PRKG1: variants seen among roughly 807,000 people sequenced by gnomAD.
PRKG1 encodes the protein cGMP-dependent protein kinase 1.
A neutral mutation model predicts 88.1 loss-of-function variants in PRKG1; 35 were observed. The ratio of observed to expected loss-of-function variants is 0.40; its 90% CI spans 0.30 to 0.53. PRKG1 has a LOEUF of 0.53. Ranked by LOEUF, PRKG1 falls within the 20% of genes least tolerant of loss-of-function variation. The pLI, the probability that PRKG1 is intolerant of heterozygous loss-of-function variation, is 0.59. For missense variants in PRKG1, 540 were observed against 839.8 expected (o/e 0.64, Z 4.41); for synonymous variants, 303 against 292.5 (o/e 1.04, Z -0.37).
chr10:51,164,310 A>G (rs1846463792), intron 2 of PRKG1, among the ~76,000 whole-genome samples: 1 of 152,198 alleles, frequency 6.6e-6, no homozygotes. Flanking sequence ...ACCGCTAGCA[A>G]ACTCCAACAG....
At chr10:52,000,747 C>T (rs955474557) in intron 5 of PRKG1, among the ~76,000 whole-genome samples, 2 of 147,398 alleles carry the variant, frequency 1.4e-5, no homozygotes, top group Non-Finnish European at 2.9e-5. Flanking sequence ...TAAAAACACA[C>T]TCTCACACAT....
chr10:51,954,961 T>A (rs73339215), intron 5 of PRKG1, among the ~76,000 whole-genome samples: 4,222 of 152,290 alleles, frequency 0.028, 203 homozygotes, highest in African/African-American at 0.097. Flanking sequence ...TACCTTACCA[T>A]GTTTCTTTTT....
intron 4 of PRKG1, among the ~76,000 whole-genome samples, chr10:51,809,613 C>T (rs1223432241): frequency 6.6e-6 from 1 of 152,134 alleles, no homozygotes; most frequent in Non-Finnish European, 1.5e-5. Flanking sequence ...CTGATGAGGA[C>T]AATGATAGTG....
intron 1 of PRKG1, among the ~76,000 whole-genome samples, chr10:51,146,927 A>G (rs1267440954): frequency 6.6e-6 from 1 of 152,204 alleles, no homozygotes; most frequent in Non-Finnish European, 1.5e-5. Context: ...AGATAAGGAA[A>G]TGTGGTACAT....
At chr10:51,687,990 C>T (rs1841037583) in intron 3 of PRKG1, among the ~76,000 whole-genome samples, 1 of 152,172 alleles carries the variant, frequency 6.6e-6, no homozygotes, top group Non-Finnish European at 1.5e-5. Flanking sequence ...TGGGCTATCT[C>T]CTATTTTCCT....
chr10:51,877,608 A>G (rs1841330909), intron 4 of PRKG1, among the ~76,000 whole-genome samples: 1 of 152,218 alleles, frequency 6.6e-6, no homozygotes, highest in African/African-American at 2.4e-5. Flanking sequence ...CCCAGCACTC[A>G]ATCTCTGTAA....
At chr10:52,246,876 C>CAAAAAAAAAAAAAAAAAAAAAAAAA (rs756775020) in intron 9 of PRKG1, among the ~76,000 whole-genome samples, 1 of 57,222 alleles carries the variant, frequency 1.7e-5, no homozygotes, top group Admixed American at 2.4e-4. Context: ...AACACAGTCT[C>CAAAAAAAAAAAAAAAAAAAAAAAAA]AAAAAAAAAA....
chr10:51,644,372 G>A (rs553930259), intron 3 of PRKG1, among the ~76,000 whole-genome samples: 9 of 152,126 alleles, frequency 5.9e-5, no homozygotes, highest in East Asian at 3.9e-4. Flanking sequence ...TGCAGTTCAC[G>A]CTTAATGTCT....
chr10:51,058,866 A>G (rs1047745372), intron 1 of PRKG1, among the ~76,000 whole-genome samples: 1 of 152,200 alleles, frequency 6.6e-6, no homozygotes, highest in Non-Finnish European at 1.5e-5. Flanking sequence ...AGATTCATTT[A>G]CTTGATGTAT....
chr10:52,254,135 C>T (rs1016347468), intron 10 of PRKG1, among the ~76,000 whole-genome samples: 3 of 151,898 alleles, frequency 2.0e-5, no homozygotes, highest in Admixed American at 2.0e-4. Context: ...ATCACTTTGC[C>T]CATAATTGTA....
chr10:52,116,086 A>G (rs1288058216), intron 7 of PRKG1, among the ~76,000 whole-genome samples: 2 of 152,082 alleles, frequency 1.3e-5, no homozygotes, highest in Non-Finnish European at 2.9e-5. Flanking sequence ...CCTTATTTGG[A>G]CATGTTTTGG....
intron 1 of PRKG1, among the ~76,000 whole-genome samples, chr10:51,047,632 A>G (rs80144164): frequency 7.9e-4 from 120 of 151,880 alleles, no homozygotes; most frequent in Non-Finnish European, 1.5e-3. Context: ...AAAAAAAAAA[A>G]AAAGAGGAGA....
At chr10:51,330,923 C>G (rs995833296) in intron 2 of PRKG1, among the ~76,000 whole-genome samples, 4 of 152,176 alleles carry the variant, frequency 2.6e-5, no homozygotes, top group Admixed American at 1.3e-4. Flanking sequence ...TTAGGAAAAG[C>G]CCTGTGGCAG....
intron 2 of PRKG1, among the ~76,000 whole-genome samples, chr10:51,272,859 CAG>C (rs1465984911): frequency 2.6e-5 from 4 of 152,092 alleles, no homozygotes; most frequent in African/African-American, 9.7e-5. Flanking sequence ...GAGAATGAAC[CAG>C]AAGTCTTGGC....
chr10:52,179,851 C>A (rs10824207), intron 9 of PRKG1, among the ~76,000 whole-genome samples: 62,321 of 151,934 alleles, frequency 0.41, 13,074 homozygotes, highest in African/African-American at 0.49. Context: ...CCACACCTAG[C>A]TAATTTTTTG....
chr10:51,659,240 C>T (rs1346100845), intron 3 of PRKG1, among the ~76,000 whole-genome samples: 2 of 151,844 alleles, frequency 1.3e-5, no homozygotes, highest in African/African-American at 4.8e-5. Flanking sequence ...ATAAATATAC[C>T]CTAAAATGAC....
chr10:51,571,728 G>A (rs918340259), intron 3 of PRKG1, among the ~76,000 whole-genome samples: 4 of 151,928 alleles, frequency 2.6e-5, no homozygotes, highest in African/African-American at 9.7e-5. Flanking sequence ...AAGCATAGAT[G>A]AGATAACAAA....
chr10:51,872,749 C>A (rs963546258), intron 4 of PRKG1, among the ~76,000 whole-genome samples: 1 of 152,020 alleles, frequency 6.6e-6, no homozygotes, highest in Non-Finnish European at 1.5e-5. Context: ...GCAACTCTTG[C>A]ACAGCAGATA....
At chr10:51,480,083 G>C (rs1467300119) in intron 3 of PRKG1, among the ~76,000 whole-genome samples, 1 of 152,024 alleles carries the variant, frequency 6.6e-6, no homozygotes, top group Non-Finnish European at 1.5e-5. Context: ...AGTTAAGTAG[G>C]CACTAGATTT....
Sources: allele counts gnomAD v4.1 joint callset (sites outside exome capture counted in the v4.1 genomes callset), GRCh38; gene constraint gnomAD v4.1.1; transcripts MANE v1.5; gene names NCBI Gene and HGNC (gene_info 2026-07-23, HGNC 2026-07-21).